COA8: variants seen among roughly 807,000 people sequenced by gnomAD.
The protein encoded by COA8 is UPF0671 protein C14orf153.
Under a neutral mutation model 22.0 loss-of-function variants are expected in COA8, and 20 were observed. The ratio of observed to expected loss-of-function variants is 0.91; its 90% CI spans 0.64 to 1.32. The LOEUF is 1.32. COA8 is among the 40% of genes most tolerant of loss of function. The pLI, the probability that COA8 is intolerant of heterozygous loss-of-function variation, is 0.00. For synonymous variants in COA8, 105 were observed against 79.9 expected (o/e 1.31, Z -1.68); for missense variants, 266 against 230.0 (o/e 1.16, Z -1.01).
At chr14:103,588,116 C>T in intron 4 of COA8, 1 of 55,982 alleles carries the variant, frequency 1.8e-5, no homozygotes, top group East Asian at 2.4e-4. Flanking sequence ...AACTCCATCT[C>T]AAAAAAAAAA....
intron 3 of COA8, among the ~76,000 whole-genome samples, chr14:103,582,708 C>T (rs1476209666): frequency 6.8e-6 from 1 of 147,822 alleles, no homozygotes; most frequent in Non-Finnish European, 1.5e-5. Flanking sequence ...CCTTTAGATA[C>T]GATTCACATA....
chr14:103,585,205 G>A (rs1346143393), intron 3 of COA8, among the ~76,000 whole-genome samples: 5 of 151,948 alleles, frequency 3.3e-5, no homozygotes, highest in Non-Finnish European at 7.4e-5. Context: ...TTGGCCAGGC[G>A]CGGTGGCTCA....
At chr14:103,577,894 C>G (rs1281138608) in intron 3 of COA8, among the ~76,000 whole-genome samples, 1 of 151,830 alleles carries the variant, frequency 6.6e-6, no homozygotes, top group Non-Finnish European at 1.5e-5. Flanking sequence ...CGTGGTGATG[C>G]ATGCCTGTAA....
intron 4 of COA8, among the ~76,000 whole-genome samples, chr14:103,589,334 G>T (rs1167177183): frequency 6.6e-6 from 1 of 152,170 alleles, no homozygotes; most frequent in East Asian, 1.9e-4. Flanking sequence ...TGCTTAAGTA[G>T]GTGGAGGTGT....
At chr14:103,563,464 C>G (rs1240058413) in intron 1 of COA8, 1 of 430,612 alleles carries the variant, frequency 2.3e-6, no homozygotes, top group African/African-American at 2.0e-5. Context: ...CGTTTTTTTT[C>G]GTTGTGTGTG....
At chr14:103,586,275 A>G (rs1246898939) in intron 3 of COA8, among the ~76,000 whole-genome samples, 1 of 137,120 alleles carries the variant, frequency 7.3e-6, no homozygotes, top group Admixed American at 8.1e-5. Context: ...TGGTATGATC[A>G]TGGCTCACTG....
intron 3 of COA8, among the ~76,000 whole-genome samples, chr14:103,583,426 A>T (rs2076282398): frequency 6.6e-6 from 1 of 151,328 alleles, no homozygotes; most frequent in African/African-American, 2.4e-5. Context: ...CTGTAATCCC[A>T]GCTACTCGGG....
intron 1 of COA8, among the ~76,000 whole-genome samples, chr14:103,564,571 CTTTTTTTTTTTT>C (rs561702478): frequency 4.4e-5 from 4 of 91,476 alleles, no homozygotes; most frequent in South Asian, 3.9e-4. Context: ...ATATACACTT[CTTTTTTTTTTTT>C]TTTTTTTTTT....
chr14:103,587,632 C>G (rs1240228650), intron 4 of COA8, among the ~76,000 whole-genome samples: 2 of 151,356 alleles, frequency 1.3e-5, no homozygotes, highest in South Asian at 2.1e-4. Context: ...CTCAGCCTCC[C>G]GAGTAGCTGG....
intron 3 of COA8, among the ~76,000 whole-genome samples, chr14:103,585,008 C>T (rs991499082): frequency 1.3e-5 from 2 of 151,836 alleles, no homozygotes; most frequent in African/African-American, 4.8e-5. Flanking sequence ...TATGGTGGTG[C>T]GTGCCTGTAA....
At chr14:103,569,468 C>T (rs552383913) in intron 1 of COA8, among the ~76,000 whole-genome samples, 4 of 152,244 alleles carry the variant, frequency 2.6e-5, no homozygotes, top group Admixed American at 6.5e-5. Flanking sequence ...CCTCTCTGAG[C>T]TTGCTTTGTG....
At chr14:103,571,841 A>G (rs768166118) in intron 2 of COA8, 21 bp downstream of exon 2, 90 of 1,607,674 alleles carry the variant, frequency 5.6e-5, no homozygotes, top group Non-Finnish European at 7.7e-5. Context: ...GTTTTAGATC[A>G]GAACGGAAGG....
intron 3 of COA8, among the ~76,000 whole-genome samples, chr14:103,585,340 G>A (rs566783218): frequency 4.7e-4 from 70 of 148,598 alleles, no homozygotes; most frequent in East Asian, 1.9e-3. Flanking sequence ...TTAGCTGGGC[G>A]TGGTGGCACA....
At position 103,578,989 on chromosome 14, in the gene COA8, G is replaced by T. The variant is rs529715849; in HGVS notation, c.385+4819G>T. ...AGATGGAGGTAAGTCACAGCTCTGG[G>T]GCCACACAGCCAGGTGGGGACAGTC... On this transcript the variant is annotated intron_variant, in intron 3 of 4. Coordinates refer to ENST00000409074, the MANE Select transcript of COA8 (RefSeq NM_001370595.2). 3.3e-5 allele frequency among the ~76,000 whole-genome samples: 5 copies of T among 152,280 alleles called. No individual in the cohort carries two copies. In the South Asian group the frequency reaches 1.0e-3, roughly 32 times the overall value.
rs1566986600 is a variant in COA8 at position 103,587,230 on chromosome 14, C to T, written c.386-44C>T. ...TAGCTCTAATAGTTTTTTGTTTATC[C>T]TTTCTCCTTAAGTCTTAATGTTTAA... On this transcript the variant is annotated intron_variant, in intron 3 of 4. Coordinates refer to ENST00000409074, the MANE Select transcript of COA8 (RefSeq NM_001370595.2). 4 of 1,540,332 alleles carry T rather than the reference C, an allele frequency of 2.6e-6. No homozygotes were observed. In the Admixed American group the frequency reaches 5.5e-5, roughly 21 times the overall value.
intron 3 of COA8, among the ~76,000 whole-genome samples, chr14:103,576,292 C>T (rs1009641620): frequency 1.3e-5 from 2 of 151,708 alleles, no homozygotes; most frequent in Non-Finnish European, 2.9e-5. Flanking sequence ...GGTGACAGAG[C>T]GAGACTCTGT....
At chr14:103,573,709 C>T (rs1352990118) in intron 2 of COA8, among the ~76,000 whole-genome samples, 1 of 152,078 alleles carries the variant, frequency 6.6e-6, no homozygotes, top group African/African-American at 2.4e-5. Context: ...CCCACCATCA[C>T]ATTGGGCTAA....
chr14:103,587,656 C>T (rs180798184), intron 4 of COA8, among the ~76,000 whole-genome samples: 18 of 151,488 alleles, frequency 1.2e-4, no homozygotes, highest in Admixed American at 6.6e-4. Flanking sequence ...TACAGGCACC[C>T]GCCAGCACGC....
At chr14:103,586,944 T>A (rs886486007) in intron 3 of COA8, among the ~76,000 whole-genome samples, 1 of 152,162 alleles carries the variant, frequency 6.6e-6, no homozygotes, top group African/African-American at 2.4e-5. Context: ...CCTCAAGTGA[T>A]CCTCCCACCT....
Sources: gnomAD v4.1 joint callset for allele counts (sites outside exome capture counted in the v4.1 genomes callset) on GRCh38, gnomAD v4.1.1 for gene constraint, MANE v1.5 for transcripts, NCBI Gene and HGNC (gene_info 2026-07-23, HGNC 2026-07-21) for gene names.